Variants in ZNF708 observed in about 807,000 individuals in gnomAD.
ZNF708 encodes ZNF15, ZNF15L1.
ZNF708 carries 44 observed loss-of-function variants against 47.0 expected under a neutral mutation model. The observed-to-expected ratio is 0.94, with a 90% CI of 0.74 to 1.20. The LOEUF is 1.20. Ranked by LOEUF, ZNF708 falls within the 50% of genes most tolerant of loss-of-function variation. The pLI is 0.00. For synonymous variants in ZNF708, 184 were observed against 218.5 expected (o/e 0.84, Z 1.39); for missense variants, 557 against 656.0 (o/e 0.85, Z 1.65).
chr19:21,316,133 C>CTTTTTTTTTTTTTT (rs544312163), intron 1 of ZNF708, among the ~76,000 whole-genome samples: 14 of 105,470 alleles, frequency 1.3e-4, no homozygotes, highest in Admixed American at 2.5e-4. Flanking sequence ...TTTCTTTTTT[C>CTTTTTTTTTTTTTT]TTTTTTTTTT....
chr19:21,294,185 A>C lies in ZNF708; in HGVS notation c.781T>G (p.Phe261Val). ...LYKCEECGKAFNRSSNLTKHK... is the reference protein window; with the variant it reads ...LYKCEECGKAVNRSSNLTKHK... ...TTAGTAAGGTTTGAGGACCGGTTAAAAGCTTTGCCACATTCTTCACATTTG... is the reference window on the plus strand; with the variant it reads ...TTAGTAAGGTTTGAGGACCGGTTAACAGCTTTGCCACATTCTTCACATTTG... Residue 261 changes from phenylalanine (F) to valine (V), a missense_variant, in exon 4 of 4, where the codon TTT becomes GTT. Physicochemically the swap from Phe to Val is conservative, Grantham distance 50. Transcript: ENST00000356929. The C allele has an allele frequency of 6.2e-7, 1 of 1,612,542 alleles. No individual in the cohort carries two copies. The highest frequency in any genetic ancestry group is 1.1e-5 in the South Asian group (1 of 91,004).
At position 21,329,331 on chromosome 19, in the gene ZNF708, C is replaced by A. The variant is rs1015486308; in HGVS notation, c.-119G>T. On this transcript the variant is annotated 5_prime_UTR_variant, in exon 1 of 4. Transcript: ENST00000356929. ...GGACAAACAGCAGTGAAGACGAGAC[C>A]GGAGCTCCGGCTGCAGCAAGAGACA... is the stretch of plus-strand genomic sequence containing the variant. The A allele has an allele frequency of 6.1e-6, 9 of 1,483,832 alleles. No individual in the cohort carries two copies. The Admixed American group carries it at 1.2e-4, about 20-fold the overall frequency. The allele number at this position is 1,483,832 out of a possible 1,614,324, so 91.9% of individuals were successfully genotyped here. A position where few individuals can be genotyped will look rare whatever the true frequency, so the allele number is the denominator to read the frequency against.
intron 1 of ZNF708, among the ~76,000 whole-genome samples, chr19:21,322,630 CCT>C (rs1430848131): frequency 1.3e-5 from 2 of 152,146 alleles, no homozygotes; most frequent in Non-Finnish European, 2.9e-5. Context: ...ATTTTTCAGT[CCT>C]CTCTCACCCT....
intron 1 of ZNF708, among the ~76,000 whole-genome samples, chr19:21,320,772 A>G (rs1437669830): frequency 6.8e-6 from 1 of 148,024 alleles, no homozygotes; most frequent in African/African-American, 2.5e-5. Context: ...GGCCATTAAA[A>G]AAAAAAAAAA....
intron 1 of ZNF708, chr19:21,318,444 A>C (rs1019637132): frequency 6.6e-6 from 1 of 152,202 alleles, no homozygotes; most frequent in African/African-American, 2.4e-5. Context: ...TTATATTGAG[A>C]GAAAAAAGAA....
rs1344783726 is a variant in ZNF708 at position 21,293,831 on chromosome 19, G to A, written c.1135C>T (p.Leu379Phe). ...GTATGAATTACCTTATGATTAGTAA[G>A]GTGTGAGGACCGGTTAAAAGCTTTG... ...CGKAFNRSSH[L>F]TNHKVIHTGE... Residue 379 changes from leucine (L) to phenylalanine (F), a missense_variant, in exon 4 of 4, where the codon CTT becomes TTT. Physicochemically the swap from Leu to Phe is conservative, Grantham distance 22. Coordinates refer to ENST00000356929, the MANE Select transcript of ZNF708 (RefSeq NM_021269.3). The A allele has an allele frequency of 1.9e-6, 3 of 1,613,142 alleles. No homozygotes were observed. Among genetic ancestry groups the A allele is most frequent in the Non-Finnish European group, 2.5e-6 (3 of 1,179,790 alleles).
intron 1 of ZNF708, among the ~76,000 whole-genome samples, chr19:21,315,086 G>T (rs144469266): frequency 1.5e-4 from 23 of 152,196 alleles, no homozygotes; most frequent in African/African-American, 5.5e-4. Context: ...GTATAGTTGT[G>T]GTCATGGCTC....
chr19:21,315,055 T>C (rs527817554), intron 1 of ZNF708, among the ~76,000 whole-genome samples: 20 of 152,344 alleles, frequency 1.3e-4, no homozygotes, highest in African/African-American at 4.6e-4. Flanking sequence ...AAGAATATTG[T>C]ACATAACATT....
intron 3 of ZNF708, among the ~76,000 whole-genome samples, chr19:21,306,266 C>T (rs183775983): frequency 7.9e-5 from 12 of 151,780 alleles, no homozygotes; most frequent in Non-Finnish European, 1.5e-4. Flanking sequence ...CACATCAAAA[C>T]AAAAATTCAA....
intron 1 of ZNF708, among the ~76,000 whole-genome samples, chr19:21,328,467 A>T (rs1973307850): frequency 1.3e-5 from 2 of 152,136 alleles, no homozygotes; most frequent in Admixed American, 6.5e-5. Flanking sequence ...TGCAGGCCAG[A>T]GTTAGGCTGG....
At chr19:21,298,129 A>C (rs1276704009) in intron 3 of ZNF708, among the ~76,000 whole-genome samples, 1 of 152,176 alleles carries the variant, frequency 6.6e-6, no homozygotes, top group Non-Finnish European at 1.5e-5. Context: ...AAAATAAAAC[A>C]AGATGGAATA....
chr19:21,324,494 G>T (rs1026825988), intron 1 of ZNF708, among the ~76,000 whole-genome samples: 5 of 152,040 alleles, frequency 3.3e-5, no homozygotes, highest in African/African-American at 1.2e-4. Context: ...TTGAACCCAG[G>T]AGGCGGAAGC....
At chr19:21,301,799 A>G (rs949738123) in intron 3 of ZNF708, among the ~76,000 whole-genome samples, 1 of 151,344 alleles carries the variant, frequency 6.6e-6, no homozygotes, top group Non-Finnish European at 1.5e-5. Flanking sequence ...TTTGTCTCAA[A>G]AAAGAAAAGA....
rs140097230 is a variant in ZNF708 at position 21,293,842 on chromosome 19, C to G, written c.1124G>C (p.Arg375Pro). Residue 375 changes from arginine to proline, a missense_variant, in exon 4 of 4, where the codon CGG becomes CCG. Physicochemically the swap from Arg to Pro is moderately radical, Grantham distance 103. Coordinates refer to ENST00000356929, the MANE Select transcript of ZNF708 (RefSeq NM_021269.3). Reference protein sequence around the residue: ...KCEECGKAFNRSSHLTNHKVI... With the variant: ...KCEECGKAFNPSSHLTNHKVI... ...CTTATGATTAGTAAGGTGTGAGGAC[C>G]GGTTAAAAGCTTTGCCACATTCTTC... The G allele has an allele frequency of 4.9e-4, 759 of 1,564,504 alleles. 1 individual carries two copies. In the African/African-American group the frequency reaches 0.01, roughly 21 times the overall value.
chr19:21,316,505 G>C (rs1973015738), intron 1 of ZNF708, among the ~76,000 whole-genome samples: 1 of 152,174 alleles, frequency 6.6e-6, no homozygotes, highest in Non-Finnish European at 1.5e-5. Flanking sequence ...GGGTGGAGTA[G>C]CAGCAGGTAT....
At chr19:21,313,554 T>TTAG (rs1972944507) in intron 1 of ZNF708, among the ~76,000 whole-genome samples, 1 of 151,934 alleles carries the variant, frequency 6.6e-6, no homozygotes, top group Non-Finnish European at 1.5e-5. Context: ...GGTCAGGAGT[T>TTAG]TGAGACCAGC....
intron 1 of ZNF708, among the ~76,000 whole-genome samples, chr19:21,326,666 C>G (rs1973261537): frequency 6.6e-6 from 1 of 152,202 alleles, no homozygotes; most frequent in African/African-American, 2.4e-5. Flanking sequence ...CGCGGTGGCT[C>G]ATGCCTATAA....
Position 21,293,788 on chromosome 19 carries a change from T to G in ZNF708, c.1178A>C (p.Lys393Thr), listed in dbSNP as rs1351870199. 1 of 1,613,554 alleles carries G rather than the reference T, an allele frequency of 6.2e-7. No individual in the cohort carries two copies. Among genetic ancestry groups the G allele is most frequent in the African/African-American group, 1.3e-5 (1 of 74,910 alleles). Residue 393 changes from lysine (K) to threonine (T), a missense_variant, in exon 4 of 4, where the codon AAA (lysine) becomes ACA (threonine). By Grantham distance (78) the Lys-to-Thr change is moderately conservative. Coordinates refer to ENST00000356929, the MANE Select transcript of ZNF708 (RefSeq NM_021269.3). The part of the protein sequence containing the change: ...KVIHTGEKPY[K>T]CEECGKAFTK... ...AAAGGCTTTACCACATTCTTCACATTTGTAGGGTTTCTCTCCAGTATGAAT... is the reference window on the plus strand; with the variant it reads ...AAAGGCTTTACCACATTCTTCACATGTGTAGGGTTTCTCTCCAGTATGAAT...
chr19:21,294,003 T>C lies in ZNF708; in HGVS notation c.963A>G (p.Ser321=). The stretch of plus-strand genomic sequence containing the variant: ...GAATCCTCTTATGTGTAGTAAGGTG[T>C]GAAGATAGGGTAAAGGCTTTGCCAC... The part of the protein sequence containing the change: ...GECGKAFTLS[S]HLTTHKRIHT... Residue 321 remains serine, a synonymous_variant, in exon 4 of 4, where the codon TCA becomes TCG. Transcript: ENST00000356929. 3 of 1,613,098 alleles carry C rather than the reference T, an allele frequency of 1.9e-6. No homozygotes were observed. The highest frequency in any genetic ancestry group is 2.5e-6 in the Non-Finnish European group (3 of 1,179,410).
Sources: allele counts gnomAD v4.1 joint callset (sites outside exome capture counted in the v4.1 genomes callset), GRCh38; gene constraint gnomAD v4.1.1; transcripts MANE v1.5; gene names NCBI Gene and HGNC (gene_info 2026-07-23, HGNC 2026-07-21).